Variants in ITGA11 observed in about 807,000 individuals in gnomAD.
The protein encoded by ITGA11 is integrin alpha-11.
Under a neutral mutation model 141.9 loss-of-function variants are expected in ITGA11, and 97 were observed. The observed-to-expected ratio is 0.68, with a 90% CI of 0.58 to 0.81. The LOEUF is 0.81. Among genes scored for constraint, ITGA11 ranks in the 30% least tolerant of loss-of-function variants. ITGA11 has a pLI of 0.00. For missense variants in ITGA11, 1,387 were observed against 1,559.2 expected, an observed-to-expected ratio of 0.89 and a Z score of 1.86; for synonymous variants, 658 against 624.6, an observed-to-expected ratio of 1.05 and a Z score of -0.80.
chr15:68,345,069 T>TCTA (rs1894701462), intron 10 of ITGA11, among the ~76,000 whole-genome samples: 5 of 152,144 alleles, frequency 3.3e-5, no homozygotes, highest in Middle Eastern at 3.4e-3. Context: ...TCTGGAGGTG[T>TCTA]GAATCCCTTC....
Position 68,432,007 on chromosome 15 carries a change from G to A in ITGA11, c.52+8C>T. On this transcript the variant is annotated splice_region_variant and intron_variant, in intron 1 of 29. Transcript: ENST00000315757. ...AGAGGCAAGGGGAGGCAGAGGGTGG[G>A]CACCTACCTGGCCACAGGCTGAGCG... 7.6e-7 allele frequency: 1 copy of A among 1,311,216 alleles called. No homozygotes were observed. The allele number at this position is 1,311,216 out of a possible 1,614,324, so 81.2% of individuals were successfully genotyped here. A position where few individuals can be genotyped will look rare whatever the true frequency, so the allele number is the denominator to read the frequency against.
At chr15:68,431,189 G>T (rs1397107666) in intron 1 of ITGA11, among the ~76,000 whole-genome samples, 2 of 152,244 alleles carry the variant, frequency 1.3e-5, no homozygotes, top group Non-Finnish European at 2.9e-5. Context: ...GAGAGCTCAG[G>T]GCTGGCTTCC....
chr15:68,375,781 C>G (rs890693217), intron 2 of ITGA11, among the ~76,000 whole-genome samples: 6 of 152,230 alleles, frequency 3.9e-5, no homozygotes, highest in African/African-American at 1.4e-4. Flanking sequence ...GTCAACTTGA[C>G]TGGGCCACGG....
At chr15:68,408,733 G>A (rs980828896) in intron 1 of ITGA11, among the ~76,000 whole-genome samples, 1 of 152,156 alleles carries the variant, frequency 6.6e-6, no homozygotes, top group Admixed American at 6.5e-5. Context: ...TGTGGAGCCG[G>A]GGAAAAGAAG....
chr15:68,338,859 AC>A (rs1894459711), intron 11 of ITGA11, among the ~76,000 whole-genome samples: 1 of 151,836 alleles, frequency 6.6e-6, no homozygotes, highest in Admixed American at 6.6e-5. Flanking sequence ...CCTGAACATC[AC>A]CCCCCTTGCC....
chr15:68,328,009 T>A lies in ITGA11; in HGVS notation c.2068+87A>T. ...GGCGACCTGGCACTTAGCACCCATT[T>A]TGGGAAAAGCCCAGGCTTTGAAATA... On this transcript the variant is annotated intron_variant, in intron 16 of 29. Transcript: ENST00000315757. This position sits in a 1 kb window ranked among gnomAD's most constrained non-coding sequence, Gnocchi z 4.8. 7.3e-7 allele frequency: 1 copy of A among 1,362,504 alleles called. No individual in the cohort carries two copies. Among genetic ancestry groups the A allele is most frequent in the South Asian group, 1.4e-5 (1 of 69,454 alleles). The allele number at this position is 1,362,504 out of a possible 1,614,324, so 84.4% of individuals were successfully genotyped here.
At chr15:68,386,998 T>G (rs1555452399) in intron 2 of ITGA11, among the ~76,000 whole-genome samples, 3 of 145,612 alleles carry the variant, frequency 2.1e-5, no homozygotes, top group Admixed American at 6.8e-5. Flanking sequence ...GGCGAGGGAG[T>G]AAAGAGGGGA....
At chr15:68,418,822 T>C (rs1278194141) in intron 1 of ITGA11, among the ~76,000 whole-genome samples, 1 of 151,582 alleles carries the variant, frequency 6.6e-6, no homozygotes, top group Non-Finnish European at 1.5e-5. Flanking sequence ...GCTTGTCTCC[T>C]GCTTGTCATG....
At chr15:68,368,395 G>A (rs1038426636) in intron 3 of ITGA11, among the ~76,000 whole-genome samples, 1 of 152,252 alleles carries the variant, frequency 6.6e-6, no homozygotes, top group Admixed American at 6.5e-5. Flanking sequence ...TTTAGGACAA[G>A]TGGGAGCACT....
At position 68,320,282 on chromosome 15, in the gene ITGA11, A is replaced by G. The variant is rs199734472; in HGVS notation, c.2519T>C (p.Val840Ala). 1.9e-6 allele frequency: 3 copies of G among 1,612,966 alleles called. No homozygotes were observed. In the East Asian group the frequency reaches 6.7e-5, roughly 36 times the overall value. ...GCCCCTGTTCTCCAGTGTGGCCTCC[A>G]CCGCCACTCGCTGGCGTGTGCTCTC... ...IIESTRQRVA[V>A]EATLENRGEN... Residue 840 changes from valine (V) to alanine (A), a missense_variant, in exon 20 of 30, where the codon GTG becomes GCG. Physicochemically the swap from Val to Ala is moderately conservative, Grantham distance 64. Coordinates refer to ENST00000315757, the MANE Select transcript of ITGA11 (RefSeq NM_001004439.2).
At chr15:68,311,231 G>C (rs2140272125) in intron 25 of ITGA11, 59 bp downstream of exon 25, 6 of 1,318,702 alleles carry the variant, frequency 4.5e-6, no homozygotes, top group Admixed American at 2.0e-5. Flanking sequence ...ACACACGTAG[G>C]GGGAGTGTCT....
intron 8 of ITGA11, 103 bp downstream of exon 8, chr15:68,351,155 A>G (rs1338314375): frequency 5.5e-6 from 7 of 1,276,172 alleles, no homozygotes; most frequent in Non-Finnish European, 7.6e-6. Context: ...GAGGGCCTGG[A>G]CACTTGTGAT....
chr15:68,319,123 C>T (rs1893702772), intron 20 of ITGA11, among the ~76,000 whole-genome samples: 1 of 152,224 alleles, frequency 6.6e-6, no homozygotes, highest in Admixed American at 6.5e-5. Flanking sequence ...AAAGATACCC[C>T]AGAGAGCAGG....
At chr15:68,379,720 C>G (rs1006943826) in intron 2 of ITGA11, among the ~76,000 whole-genome samples, 14 of 152,196 alleles carry the variant, frequency 9.2e-5, no homozygotes, top group Non-Finnish European at 1.6e-4. Context: ...TTGCAAGATG[C>G]CTGACAAACC....
chr15:68,400,328 AGAG>A lies in ITGA11; in HGVS notation c.164+2587_164+2589del, dbSNP rs1214642617. ...AAACATCAAACTTCTAGAAGAAAAC[AGAG>A]AAGAATATCTTCATGATATGGGGAG... On this transcript the variant is annotated intron_variant, in intron 2 of 29. Coordinates refer to ENST00000315757, the MANE Select transcript of ITGA11 (RefSeq NM_001004439.2). Among the ~76,000 whole-genome samples, 3 of 151,664 alleles carry A rather than the reference AGAG, an allele frequency of 2.0e-5. No homozygotes were observed. In the Admixed American group the frequency reaches 2.0e-4, roughly 10 times the overall value.
chr15:68,305,354 C>T lies in ITGA11; in HGVS notation c.3382-1469G>A, dbSNP rs530393596. 2.7e-4 allele frequency among the ~76,000 whole-genome samples: 41 copies of T among 152,300 alleles called. 1 individual carries two copies. The highest frequency in any genetic ancestry group is 6.2e-4 in the South Asian group (3 of 4,830). On this transcript the variant is annotated intron_variant, in intron 28 of 29. Transcript: ENST00000315757. The surrounding 1 kb of genome is among the most constrained non-coding windows in gnomAD (Gnocchi z 4.6). ...TGGCACTCCACCCTTAGATGTGTGC[C>T]TTTTTCTGGGTAGCCCTTATCACCA...
chr15:68,309,537 G>T (rs1893308864), intron 26 of ITGA11, among the ~76,000 whole-genome samples: 1 of 150,320 alleles, frequency 6.7e-6, no homozygotes, highest in Non-Finnish European at 1.5e-5. Flanking sequence ...CAACCATGTA[G>T]TCCATTCTTA....
chr15:68,426,073 G>A (rs1897135611), intron 1 of ITGA11, among the ~76,000 whole-genome samples: 1 of 152,180 alleles, frequency 6.6e-6, no homozygotes, highest in Non-Finnish European at 1.5e-5. Flanking sequence ...GACCAGTGAT[G>A]GGGCAGGGGG....
chr15:68,309,581 A>G (rs895131868), intron 26 of ITGA11, among the ~76,000 whole-genome samples: 4 of 150,860 alleles, frequency 2.7e-5, no homozygotes, highest in Non-Finnish European at 4.4e-5. Context: ...TAACCATGTC[A>G]ATACAGTCCT....
Sources: allele counts gnomAD v4.1 joint callset (sites outside exome capture counted in the v4.1 genomes callset), GRCh38; gene constraint gnomAD v4.1.1; non-coding constraint Gnocchi (gnomAD v3.1); transcripts MANE v1.5; gene names NCBI Gene and HGNC (gene_info 2026-07-23, HGNC 2026-07-21).